Variants in CHD9 observed in about 807,000 individuals in gnomAD.
CHD9 encodes ATP-dependent chromatin remodeler CHD9.
A neutral mutation model predicts 316.1 loss-of-function variants in CHD9; 77 were observed. The ratio of observed to expected loss-of-function variants is 0.24; its 90% CI spans 0.20 to 0.29. The LOEUF is 0.29. CHD9 is among the 10% of genes least tolerant of loss of function. CHD9 has a pLI of 1.00. For missense variants in CHD9, 2,763 were observed against 3,438.1 expected, an observed-to-expected ratio of 0.80 and a Z score of 4.91; for synonymous variants, 1,129 against 1,158.3, an observed-to-expected ratio of 0.97 and a Z score of 0.51.
At chr16:53,085,519 T>C (rs2035394430) in intron 1 of CHD9, among the ~76,000 whole-genome samples, 1 of 152,134 alleles carries the variant, frequency 6.6e-6, no homozygotes, top group South Asian at 2.1e-4. Context: ...TATCCAGTAT[T>C]CTGGGGCTGG....
chr16:53,213,660 C>A (rs2046507459), intron 3 of CHD9, among the ~76,000 whole-genome samples: 1 of 152,100 alleles, frequency 6.6e-6, no homozygotes, highest in Non-Finnish European at 1.5e-5. Context: ...GTAGAATTTT[C>A]TTATGGCCCT....
chr16:53,141,588 G>A (rs1360696882), intron 1 of CHD9, among the ~76,000 whole-genome samples: 1 of 152,136 alleles, frequency 6.6e-6, no homozygotes, highest in Non-Finnish European at 1.5e-5. Context: ...GGATTGAGGA[G>A]TTTACTTATT....
chr16:53,216,784 G>A (rs1215528414), intron 3 of CHD9, among the ~76,000 whole-genome samples: 1 of 152,208 alleles, frequency 6.6e-6, no homozygotes, highest in Non-Finnish European at 1.5e-5. Context: ...AGAACTCTTA[G>A]GGAATATTTT....
intron 26 of CHD9, among the ~76,000 whole-genome samples, chr16:53,287,437 C>T (rs986357830): frequency 2.0e-5 from 3 of 152,176 alleles, no homozygotes; most frequent in East Asian, 1.9e-4. Context: ...CATTTAAAAG[C>T]GAACTCGCGG....
At chr16:53,140,179 G>A (rs1366787839) in intron 1 of CHD9, among the ~76,000 whole-genome samples, 18 of 151,006 alleles carry the variant, frequency 1.2e-4, no homozygotes, top group Admixed American at 9.9e-4. Context: ...TATTTAGGCC[G>A]GGAGTGGTGG....
At chr16:53,166,885 A>G (rs916725569) in intron 2 of CHD9, among the ~76,000 whole-genome samples, 1 of 152,140 alleles carries the variant, frequency 6.6e-6, no homozygotes, top group African/African-American at 2.4e-5. Context: ...ATGCCTGAAA[A>G]CAGTACAGGT....
intron 1 of CHD9, among the ~76,000 whole-genome samples, chr16:53,115,336 A>T (rs551925432): frequency 2.0e-5 from 3 of 152,350 alleles, no homozygotes; most frequent in African/African-American, 7.2e-5. Flanking sequence ...ACAAGTAATT[A>T]CAAAAAGAGC....
chr16:53,119,639 C>G (rs2038585754), intron 1 of CHD9, among the ~76,000 whole-genome samples: 1 of 152,092 alleles, frequency 6.6e-6, no homozygotes, highest in Non-Finnish European at 1.5e-5. Flanking sequence ...TCAAGAGCAG[C>G]CTGGCCAACA....
At chr16:53,071,906 A>G (rs1472402840) in intron 1 of CHD9, among the ~76,000 whole-genome samples, 1 of 152,158 alleles carries the variant, frequency 6.6e-6, no homozygotes, top group African/African-American at 2.4e-5. Context: ...CTGTCACTCA[A>G]CGGTTTGGGG....
At chr16:53,316,796 G>A (rs527609334) in intron 36 of CHD9, among the ~76,000 whole-genome samples, 4 of 152,252 alleles carry the variant, frequency 2.6e-5, no homozygotes, top group Admixed American at 6.5e-5. Flanking sequence ...GGCAGTTTCT[G>A]AGGAAAGATA....
Position 53,245,878 on chromosome 16 carries a change from G to T in CHD9, c.3454+28G>T. ...AGCTAAAAAAGATTACAACAAATAT[G>T]TTTTTTCTTGCAACAAATACTAATG... On this transcript the variant is annotated intron_variant, in intron 15 of 38. Transcript: ENST00000447540. The surrounding 1 kb of genome is among the most constrained non-coding windows in gnomAD (Gnocchi z 4.1). 2 of 1,416,560 alleles carry T rather than the reference G, an allele frequency of 1.4e-6. No individual in the cohort carries two copies. Among genetic ancestry groups the T allele is most frequent in the Non-Finnish European group, 1.9e-6 (2 of 1,073,776 alleles). 87.7% of individuals were successfully genotyped at this position (1,416,560 alleles called of 1,614,324 possible). A position where few individuals can be genotyped will look rare whatever the true frequency, so the allele number is the denominator to read the frequency against.
intron 1 of CHD9, among the ~76,000 whole-genome samples, chr16:53,137,242 G>A (rs1400760199): frequency 6.6e-6 from 1 of 152,146 alleles, no homozygotes; most frequent in African/African-American, 2.4e-5. Flanking sequence ...AAAGTGTTGG[G>A]ATTACAGGTG....
At chr16:53,305,236 A>G (rs148155596) in intron 31 of CHD9, among the ~76,000 whole-genome samples, 131 of 149,580 alleles carry the variant, frequency 8.8e-4, no homozygotes, top group East Asian at 2.6e-3. Flanking sequence ...TAATTTTTGT[A>G]TTTTTGTAGA....
At chr16:53,198,228 A>G (rs1049862202) in intron 2 of CHD9, among the ~76,000 whole-genome samples, 5 of 151,968 alleles carry the variant, frequency 3.3e-5, no homozygotes, top group African/African-American at 1.2e-4. Context: ...TGATAGTTTC[A>G]CACTACCAAG....
At chr16:53,192,089 A>G (rs548543072) in intron 2 of CHD9, among the ~76,000 whole-genome samples, 10 of 151,518 alleles carry the variant, frequency 6.6e-5, no homozygotes, top group Admixed American at 2.0e-4. Context: ...AAAAACAGTC[A>G]ATGTCTCTAA....
At chr16:53,127,973 G>C (rs1388032270) in intron 1 of CHD9, among the ~76,000 whole-genome samples, 1 of 146,168 alleles carries the variant, frequency 6.8e-6, no homozygotes, top group Non-Finnish European at 1.5e-5. Context: ...CTTTCTCATA[G>C]AGTGGTTGTG....
chr16:53,097,407 C>CCTTCCTTG, intron 1 of CHD9, among the ~76,000 whole-genome samples: 1 of 146,368 alleles, frequency 6.8e-6, no homozygotes, highest in Non-Finnish European at 1.5e-5. Flanking sequence ...TTCCTTCCTT[C>CCTTCCTTG]TTTCTCTTTC....
intron 2 of CHD9, among the ~76,000 whole-genome samples, chr16:53,181,655 C>G (rs557309687): frequency 6.6e-6 from 1 of 152,144 alleles, no homozygotes; most frequent in East Asian, 1.9e-4. Flanking sequence ...AACATGTTTT[C>G]TATATGTAAC....
At chr16:53,143,743 C>G (rs576339732) in intron 1 of CHD9, among the ~76,000 whole-genome samples, 1 of 152,196 alleles carries the variant, frequency 6.6e-6, no homozygotes, top group African/African-American at 2.4e-5. Context: ...TGCTAATTAG[C>G]TACTGAAAAT....
Sources: allele counts gnomAD v4.1 joint callset (sites outside exome capture counted in the v4.1 genomes callset), GRCh38; gene constraint gnomAD v4.1.1; non-coding constraint Gnocchi (gnomAD v3.1); transcripts MANE v1.5; gene names NCBI Gene and HGNC (gene_info 2026-07-23, HGNC 2026-07-21).